The following PDE10A variants were observed in gnomAD, a reference collection of about 807,000 sequenced individuals.
The protein encoded by PDE10A is cAMP and cAMP-inhibited cGMP 3',5'-cyclic phosphodiesterase 10A.
PDE10A carries 39 observed loss-of-function variants against 97.7 expected under a neutral mutation model. The observed-to-expected ratio is 0.40, with a 90% CI of 0.31 to 0.52. The LOEUF is 0.52. PDE10A is among the 20% of genes least tolerant of loss of function. PDE10A has a pLI of 0.56. For missense variants in PDE10A, 731 were observed against 1,047.8 expected, an observed-to-expected ratio of 0.70 and a Z score of 4.17; for synonymous variants, 371 against 376.8, an observed-to-expected ratio of 0.98 and a Z score of 0.18.
At chr6:165,368,500 A>C (rs1389127991) in intron 18 of PDE10A, among the ~76,000 whole-genome samples, 2 of 152,214 alleles carry the variant, frequency 1.3e-5, no homozygotes, top group African/African-American at 4.8e-5. Flanking sequence ...GACTAATAAA[A>C]ATGCATACTG....
chr6:165,895,455 C>T (rs921440502), intron 1 of PDE10A, among the ~76,000 whole-genome samples: 3 of 152,142 alleles, frequency 2.0e-5, no homozygotes, highest in African/African-American at 7.2e-5. Context: ...TTGGAGAGAA[C>T]GCAGCCCTGC....
At chr6:165,880,546 G>A (rs1781445536) in intron 1 of PDE10A, among the ~76,000 whole-genome samples, 1 of 152,202 alleles carries the variant, frequency 6.6e-6, no homozygotes, top group South Asian at 2.1e-4. Flanking sequence ...AGTTTTTAAT[G>A]AGATTCTTTT....
intron 8 of PDE10A, among the ~76,000 whole-genome samples, chr6:165,430,581 A>G (rs1789480066): frequency 6.6e-6 from 1 of 152,148 alleles, no homozygotes; most frequent in South Asian, 2.1e-4. Context: ...ATAGGTTTGG[A>G]ATTTACATTT....
chr6:165,753,775 G>A (rs746116047), intron 1 of PDE10A, among the ~76,000 whole-genome samples: 7 of 152,268 alleles, frequency 4.6e-5, no homozygotes, highest in Non-Finnish European at 8.8e-5. Context: ...GTTATACTTA[G>A]AAATGCTAAT....
chr6:165,722,932 TTTTA>T (rs139818807), intron 1 of PDE10A, among the ~76,000 whole-genome samples: 1,590 of 151,786 alleles, frequency 0.01, 30 homozygotes, highest in African/African-American at 0.037. Context: ...ATATTTTAAG[TTTTA>T]TATATATATA....
intron 1 of PDE10A, among the ~76,000 whole-genome samples, chr6:165,634,409 G>A (rs1788779193): frequency 6.6e-6 from 1 of 152,114 alleles, no homozygotes; most frequent in Non-Finnish European, 1.5e-5. Flanking sequence ...TTAGCTGTGT[G>A]GCTGGTTCCC....
At chr6:165,930,328 T>A (rs1783092709) in intron 1 of PDE10A, among the ~76,000 whole-genome samples, 1 of 152,140 alleles carries the variant, frequency 6.6e-6, no homozygotes, top group Non-Finnish European at 1.5e-5. Context: ...GAAAAGAAGT[T>A]AGGGACAAGT....
intron 1 of PDE10A, among the ~76,000 whole-genome samples, chr6:165,859,958 A>G (rs1235359707): frequency 1.3e-5 from 2 of 152,186 alleles, no homozygotes; most frequent in African/African-American, 2.4e-5. Context: ...CAAACATCAT[A>G]TGTTCTCAAT....
At chr6:165,691,757 G>T (rs759409613) in intron 1 of PDE10A, among the ~76,000 whole-genome samples, 2 of 152,186 alleles carry the variant, frequency 1.3e-5, no homozygotes, top group African/African-American at 4.8e-5. Context: ...CCATGCCTTC[G>T]CCTCTCAGCT....
intron 1 of PDE10A, among the ~76,000 whole-genome samples, chr6:165,888,374 C>A (rs1367207765): frequency 6.6e-6 from 1 of 151,942 alleles, no homozygotes; most frequent in Non-Finnish European, 1.5e-5. Context: ...CAATCTCTGC[C>A]TCCCAGGTTT....
At chr6:165,664,021 C>T (rs1790428221), upstream of PDE10A, among the ~76,000 whole-genome samples, 1 of 152,196 alleles carries the variant, frequency 6.6e-6, no homozygotes, top group South Asian at 2.1e-4. Context: ...GCGGGGCCAC[C>T]ATGGCGCGCT....
At chr6:165,551,535 T>A (rs1784015030) in intron 1 of PDE10A, among the ~76,000 whole-genome samples, 1 of 152,132 alleles carries the variant, frequency 6.6e-6, no homozygotes, top group Non-Finnish European at 1.5e-5. Context: ...CCAAAATATA[T>A]AACAGGAAAA....
At position 165,732,171 on chromosome 6, in the gene PDE10A, A is replaced by C. The variant is rs1792454604; in HGVS notation, c.-614-188603T>G. Among the ~76,000 whole-genome samples the C allele has an allele frequency of 2.6e-5, 4 of 152,284 alleles. No homozygotes were observed. In the South Asian group the frequency reaches 8.3e-4, roughly 32 times the overall value. ...CATTTAAAGCTGGCTTTCTTACGAG[A>C]ACTACCTGCCTCTCCCTTTTATTGT... is the stretch of plus-strand genomic sequence containing the variant. On this transcript the variant is annotated intron_variant, in intron 1 of 19. Transcript: ENST00000366882.
At chr6:165,771,144 A>G (rs1213149391) in intron 1 of PDE10A, among the ~76,000 whole-genome samples, 1 of 152,232 alleles carries the variant, frequency 6.6e-6, no homozygotes, top group Non-Finnish European at 1.5e-5. Flanking sequence ...AAGGGCACCA[A>G]ATAGTCTCTG....
chr6:165,778,053 CAT>C (rs1303187652), intron 1 of PDE10A, among the ~76,000 whole-genome samples: 1 of 151,822 alleles, frequency 6.6e-6, no homozygotes, highest in African/African-American at 2.4e-5. Flanking sequence ...ATTTTTGCTA[CAT>C]GTTTATTTTC....
chr6:165,533,790 G>A (rs957017389), intron 2 of PDE10A, among the ~76,000 whole-genome samples: 2 of 152,004 alleles, frequency 1.3e-5, no homozygotes, highest in Non-Finnish European at 2.9e-5. Flanking sequence ...TATTTCATAG[G>A]GTTTTAATTT....
chr6:165,926,404 T>C (rs1196080396), intron 1 of PDE10A, among the ~76,000 whole-genome samples: 4 of 152,240 alleles, frequency 2.6e-5, no homozygotes, highest in Non-Finnish European at 5.9e-5. Context: ...CTATTTTGGC[T>C]TTTTCCATAG....
chr6:165,719,198 T>A (rs1792101924), intron 1 of PDE10A, among the ~76,000 whole-genome samples: 1 of 152,024 alleles, frequency 6.6e-6, no homozygotes, highest in Non-Finnish European at 1.5e-5. Context: ...ATTAAAGAAG[T>A]AACACAGGAA....
At chr6:165,957,490 G>T (rs576440448) in intron 1 of PDE10A, among the ~76,000 whole-genome samples, 15 of 152,120 alleles carry the variant, frequency 9.9e-5, no homozygotes, top group African/African-American at 3.6e-4. Flanking sequence ...AAAAAATACA[G>T]AAAACAAAAA....
Sources: gnomAD v4.1 joint callset for allele counts (sites outside exome capture counted in the v4.1 genomes callset) on GRCh38, gnomAD v4.1.1 for gene constraint, MANE v1.5 for transcripts, NCBI Gene and HGNC (gene_info 2026-07-23, HGNC 2026-07-21) for gene names.